BIN2: variants seen among roughly 807,000 people sequenced by gnomAD.
BIN2 encodes breast cancer associated protein BRAP1.
BIN2 carries 43 observed loss-of-function variants against 67.9 expected under a neutral mutation model. The ratio of observed to expected loss-of-function variants is 0.63; its 90% CI spans 0.50 to 0.82. The LOEUF is 0.82. Ranked by LOEUF, BIN2 falls within the 40% of genes least tolerant of loss-of-function variation. BIN2 has a pLI of 0.00. For synonymous variants in BIN2, 244 were observed against 246.8 expected (o/e 0.99, Z 0.11); for missense variants, 581 against 671.6 (o/e 0.87, Z 1.49).
chr12:51,302,384 A>C, intron 4 of BIN2: 1 of 529,618 alleles, frequency 1.9e-6, no homozygotes, highest in South Asian at 2.3e-5. Flanking sequence ...GGAAAGTTTA[A>C]GAGTGTATAA....
intron 9 of BIN2, among the ~76,000 whole-genome samples, chr12:51,294,340 G>A (rs1945474231): frequency 1.3e-5 from 2 of 152,122 alleles, no homozygotes; most frequent in Non-Finnish European, 2.9e-5. Flanking sequence ...AGGCCAAGGC[G>A]GGCGGATCAC....
chr12:51,288,072 G>A, intron 11 of BIN2, 36 bp downstream of exon 11: 1 of 1,403,252 alleles, frequency 7.1e-7, no homozygotes, highest in Admixed American at 1.8e-5. Context: ...CAAAAAAATA[G>A]GGCATCATCA....
intron 1 of BIN2, among the ~76,000 whole-genome samples, chr12:51,315,584 C>A (rs1946106880): frequency 6.6e-6 from 1 of 152,076 alleles, no homozygotes; most frequent in Non-Finnish European, 1.5e-5. Context: ...AAAATGTGAG[C>A]CCTGAAGACA....
intron 2 of BIN2, among the ~76,000 whole-genome samples, chr12:51,303,721 AT>A (rs940848066): frequency 2.6e-5 from 4 of 152,036 alleles, no homozygotes; most frequent in Middle Eastern, 3.4e-3. Context: ...CTGAAATCTC[AT>A]TTTTTTAGGC....
chr12:51,321,983 A>G (rs117583660), intron 1 of BIN2, among the ~76,000 whole-genome samples: 37 of 152,242 alleles, frequency 2.4e-4, no homozygotes, highest in Non-Finnish European at 4.1e-4. Flanking sequence ...TCGAAGTTCA[A>G]CCTTTGCCTA....
chr12:51,285,809 A>G (rs1945224228), intron 11 of BIN2, among the ~76,000 whole-genome samples: 1 of 151,856 alleles, frequency 6.6e-6, no homozygotes, highest in Admixed American at 6.6e-5. Context: ...ATGAGGCTTC[A>G]CTATGTTAGC....
intron 2 of BIN2, 89 bp downstream of exon 2, chr12:51,313,734 C>A: frequency 1.6e-6 from 2 of 1,213,858 alleles, no homozygotes; most frequent in Non-Finnish European, 2.4e-6. Flanking sequence ...GAGATGTTTG[C>A]CAGTTTGCAG....
intron 7 of BIN2, 166 bp from the exon 8 acceptor site, chr12:51,297,330 A>G (rs984001127): frequency 5.2e-5 from 30 of 576,360 alleles, no homozygotes; most frequent in Non-Finnish European, 8.5e-5. Flanking sequence ...GCACTTTGGG[A>G]GGCCAAGGTG....
intron 1 of BIN2, among the ~76,000 whole-genome samples, chr12:51,318,344 C>A (rs934115659): frequency 3.9e-5 from 6 of 151,976 alleles, no homozygotes; most frequent in Non-Finnish European, 7.4e-5. Flanking sequence ...TCACTGCAAC[C>A]TCTGCCTCAC....
chr12:51,310,857 C>T (rs1945974974), intron 2 of BIN2, among the ~76,000 whole-genome samples: 1 of 150,474 alleles, frequency 6.6e-6, no homozygotes, highest in Non-Finnish European at 1.5e-5. Context: ...ACCTGAGACT[C>T]AGTCAGTCCT....
chr12:51,316,875 T>C (rs1292333383), intron 1 of BIN2, among the ~76,000 whole-genome samples: 1 of 151,814 alleles, frequency 6.6e-6, no homozygotes, highest in African/African-American at 2.4e-5. Context: ...ACTACTACTA[T>C]TATTATTATT....
chr12:51,316,328 CAAAAA>C (rs3059178), intron 1 of BIN2, among the ~76,000 whole-genome samples: 24 of 123,286 alleles, frequency 1.9e-4, no homozygotes, highest in Admixed American at 1.5e-3. Context: ...ACTAAAAATA[CAAAAA>C]AAAAAAAAAA....
intron 1 of BIN2, among the ~76,000 whole-genome samples, chr12:51,319,314 A>C (rs1946209118): frequency 6.6e-6 from 1 of 152,284 alleles, no homozygotes; most frequent in South Asian, 2.1e-4. Flanking sequence ...TCCAACTCTG[A>C]AAGTGAAAAG....
At chr12:51,286,424 G>C (rs1481414955) in intron 11 of BIN2, among the ~76,000 whole-genome samples, 2 of 152,172 alleles carry the variant, frequency 1.3e-5, no homozygotes, top group Non-Finnish European at 2.9e-5. Context: ...GACTCAGGCG[G>C]AAGGAGAGTG....
At position 51,302,003 on chromosome 12, in the gene BIN2, T is replaced by A; in HGVS notation, c.408+17A>T. 6.3e-7 allele frequency: 1 copy of A among 1,579,980 alleles called. No homozygotes were observed. Among genetic ancestry groups the A allele is most frequent in the Non-Finnish European group, 8.7e-7 (1 of 1,149,820 alleles). On this transcript the variant is annotated intron_variant, in intron 5 of 12. Coordinates refer to ENST00000615107, the MANE Select transcript of BIN2 (RefSeq NM_016293.4). ...TGGGTCATCCACAACCCAGCCTTGA[T>A]TCTGTACATTGAGTACCTTAATTTC...
At chr12:51,287,025 T>C (rs1945253034) in intron 11 of BIN2, among the ~76,000 whole-genome samples, 1 of 152,158 alleles carries the variant, frequency 6.6e-6, no homozygotes, top group Admixed American at 6.6e-5. Context: ...TTTTCCTATG[T>C]TGCCCAGGCT....
At chr12:51,307,961 T>C (rs894921215) in intron 2 of BIN2, among the ~76,000 whole-genome samples, 4 of 152,150 alleles carry the variant, frequency 2.6e-5, no homozygotes, top group African/African-American at 9.6e-5. Flanking sequence ...AAAGTTCTCC[T>C]TTATGCTCTT....
chr12:51,300,159 G>A (rs576685272), intron 5 of BIN2, among the ~76,000 whole-genome samples: 1 of 152,060 alleles, frequency 6.6e-6, no homozygotes, highest in Non-Finnish European at 1.5e-5. Flanking sequence ...TTCTAATAGG[G>A]TTTTGCGCCC....
In BIN2 at chr12:51,297,149, A is replaced by G. The variant is rs779630216; in HGVS notation, c.618T>C (p.Tyr206=). The change falls in exon 8 of 13, where the codon TAT becomes TAC. Residue 206 remains tyrosine (Y), a synonymous_variant. Coordinates refer to ENST00000615107, the MANE Select transcript of BIN2 (RefSeq NM_016293.4). ...TGGAAATGTTTTGGAAGATGGTCAC[A>G]TAGCAGCCAATACGACTATTAGGAA... ...PILYNSRIGC[Y]VTIFQNISNL... is the part of the protein sequence containing the mutation. The G allele has an allele frequency of 3.5e-5, 57 of 1,613,844 alleles. No homozygotes were observed. Among genetic ancestry groups the G allele is most frequent in the Non-Finnish European group, 4.7e-5 (56 of 1,179,852 alleles).
Sources: allele counts gnomAD v4.1 joint callset (sites outside exome capture counted in the v4.1 genomes callset), GRCh38; gene constraint gnomAD v4.1.1; transcripts MANE v1.5; gene names NCBI Gene and HGNC (gene_info 2026-07-23, HGNC 2026-07-21).